The following FBLN2 variants were observed in gnomAD, a reference collection of about 807,000 sequenced individuals.
The protein encoded by FBLN2 is fibulin 2, also known as fibulin-2.
Under a neutral mutation model 123.7 loss-of-function variants are expected in FBLN2, and 81 were observed. The ratio of observed to expected loss-of-function variants is 0.65; its 90% CI spans 0.55 to 0.79. FBLN2 has a LOEUF of 0.79. FBLN2 is among the 30% of genes least tolerant of loss of function. The probability of loss-of-function intolerance (pLI) is 0.00; values close to 1 mark genes in which losing one functional copy is unlikely to be tolerated. For synonymous variants in FBLN2, 699 were observed against 701.4 expected (o/e 1.00, Z 0.05); for missense variants, 1,603 against 1,681.3 (o/e 0.95, Z 0.81).
intron 1 of FBLN2, among the ~76,000 whole-genome samples, chr3:13,559,054 G>T (rs1295733273): frequency 6.6e-6 from 1 of 152,150 alleles, no homozygotes; most frequent in Non-Finnish European, 1.5e-5. Flanking sequence ...GGTGGGGTTA[G>T]TTGGTGAAGG....
intron 1 of FBLN2, among the ~76,000 whole-genome samples, chr3:13,554,993 C>T (rs1703424172): frequency 6.7e-6 from 1 of 148,654 alleles, no homozygotes; most frequent in Non-Finnish European, 1.5e-5. Flanking sequence ...TACTCTGTCA[C>T]CCAGGCTGGA....
intron 16 of FBLN2, among the ~76,000 whole-genome samples, chr3:13,635,392 A>G (rs149919140): frequency 6.6e-6 from 1 of 151,824 alleles, no homozygotes; most frequent in Admixed American, 6.6e-5. Context: ...ACACACACAC[A>G]CACACACCCA....
chr3:13,549,303 G>T, intron 1 of FBLN2, 95 bp downstream of exon 1: 1 of 842,912 alleles, frequency 1.2e-6, no homozygotes, highest in Non-Finnish European at 1.4e-6. Flanking sequence ...CCGACGGCTC[G>T]GCGGACCCTC....
Position 13,636,534 on chromosome 3 carries a change from G to C in FBLN2, c.3304G>C (p.Glu1102Gln), listed in dbSNP as rs562325632. Residue 1102 changes from glutamate (E) to glutamine (Q), a missense_variant, in exon 17 of 18, where the codon GAG becomes CAG. Physicochemically the swap from Glu to Gln is conservative, Grantham distance 29 (BLOSUM62 2). Transcript: ENST00000404922. ...IQGSFRCLRF[E>Q]CPPNYVQVSK... ...GGGTAGCTTCCGCTGCCTGCGCTTC[G>C]AGTGTCCTCCCAACTATGTCCAAGT... The C allele has an allele frequency of 6.2e-7, 1 of 1,613,582 alleles. No homozygotes were observed. Among genetic ancestry groups the C allele is most frequent in the Non-Finnish European group, 8.5e-7 (1 of 1,179,746 alleles).
In FBLN2 at chr3:13,570,736, G is replaced by C. The variant is rs745408801; in HGVS notation, c.381G>C (p.Val127=). The change falls in exon 2 of 18, where the codon GTG becomes GTC. Residue 127 remains valine (V), a synonymous_variant. Transcript: ENST00000404922. The stretch of plus-strand genomic sequence containing the variant: ...CCAACTGCATCGAGGCTGTAGTGGT[G>C]GCTGACAGCTGCCCACAGTGCGGCC... ...LPPNCIEAVV[V]ADSCPQCGQV... The C allele has an allele frequency of 6.9e-6, 11 of 1,601,236 alleles. No individual in the cohort carries two copies. In the East Asian group the frequency reaches 2.3e-4, roughly 33 times the overall value.
chr3:13,560,474 T>C (rs1206276827), intron 1 of FBLN2, among the ~76,000 whole-genome samples: 1 of 152,156 alleles, frequency 6.6e-6, no homozygotes, highest in Non-Finnish European at 1.5e-5. Flanking sequence ...CTCCTCCTCC[T>C]TGGGGTCTCA....
intron 2 of FBLN2, among the ~76,000 whole-genome samples, chr3:13,592,968 A>G (rs1704723687): frequency 6.6e-6 from 1 of 152,118 alleles, no homozygotes; most frequent in South Asian, 2.1e-4. Context: ...ATGGTTGTCT[A>G]TGCTCTCTCA....
intron 3 of FBLN2, 52 bp downstream of exon 3, chr3:13,608,225 A>G: frequency 7.3e-7 from 1 of 1,369,032 alleles, no homozygotes; most frequent in Admixed American, 2.0e-5. Flanking sequence ...CTTCTCCAGA[A>G]CCCTGCTTGC....
rs769023820 is a variant in FBLN2, at chr3:13,571,643, C to T, written c.1288C>T (p.Pro430Ser). 5 of 1,600,714 alleles carry T rather than the reference C, an allele frequency of 3.1e-6. No homozygotes were observed. Among genetic ancestry groups the T allele is most frequent in the South Asian group, 2.3e-5 (2 of 88,144 alleles). The change falls in exon 2 of 18, where the codon CCC becomes TCC. Residue 430 changes from proline to serine, a missense_variant. Coordinates refer to ENST00000404922, the MANE Select transcript of FBLN2 (RefSeq NM_001004019.2). ...AGACCCCAACTCTGTCCATTCTATC[C>T]CCAGAAGTAGCCCTGAAGGTAAGAC... ...DTDPNSVHSI[P>S]RSSPEGSTKD...
chr3:13,559,790 G>A lies in FBLN2; in HGVS notation c.-41-10525G>A, dbSNP rs77447574. On this transcript the variant is annotated intron_variant, in intron 1 of 17. Coordinates refer to ENST00000404922, the MANE Select transcript of FBLN2 (RefSeq NM_001004019.2). The stretch of plus-strand genomic sequence containing the variant: ...CAGAGCTGATGGAGAACCATTCAGG[G>A]TTTGGAGCAGGGATGAGAGGTGATG... 8.6e-3 allele frequency among the ~76,000 whole-genome samples: 1,312 copies of A among 152,364 alleles called. 19 individuals carry two copies. The highest frequency in any genetic ancestry group is 0.03 in the African/African-American group (1,252 of 41,592).
chr3:13,563,650 G>A (rs928973742), intron 1 of FBLN2, among the ~76,000 whole-genome samples: 4 of 152,220 alleles, frequency 2.6e-5, no homozygotes, highest in African/African-American at 7.2e-5. Context: ...AAGACAGTGC[G>A]CAGCTCACAT....
At chr3:13,570,227 C>T (rs1703885243) in intron 1 of FBLN2, 88 bp from the exon 2 acceptor site, 1 of 1,391,094 alleles carries the variant, frequency 7.2e-7, no homozygotes, top group South Asian at 1.5e-5. Flanking sequence ...GTGGCTGAGG[C>T]TGGGCCCCTG....
At chr3:13,609,692 G>GGGGGGGGGGGGGGGGT (rs1705327453) in intron 4 of FBLN2, 50 bp downstream of exon 4, 15 of 508,384 alleles carry the variant, frequency 3.0e-5, no homozygotes, top group East Asian at 6.4e-5. Context: ...GGCGGGGCGG[G>GGGGGGGGGGGGGGGGT]AGGCTGGCCT....
chr3:13,589,601 G>GAC (rs139675011), intron 2 of FBLN2, among the ~76,000 whole-genome samples: 1 of 151,932 alleles, frequency 6.6e-6, no homozygotes, highest in Non-Finnish European at 1.5e-5. Flanking sequence ...TCTCATTTGG[G>GAC]ACACACACAC....
chr3:13,587,667 T>A (rs1407129960), intron 2 of FBLN2, among the ~76,000 whole-genome samples: 1 of 152,242 alleles, frequency 6.6e-6, no homozygotes, highest in African/African-American at 2.4e-5. Flanking sequence ...TCACATTAAC[T>A]TCAGCACAGA....
chr3:13,626,637 G>A (rs1166533855), intron 10 of FBLN2, 58 bp downstream of exon 10: 8 of 1,397,248 alleles, frequency 5.7e-6, no homozygotes, highest in African/African-American at 1.5e-5. Flanking sequence ...GTTTTGCCCC[G>A]CCCCTCCCTG....
At chr3:13,598,901 G>C (rs975445155) in intron 2 of FBLN2, among the ~76,000 whole-genome samples, 8 of 152,204 alleles carry the variant, frequency 5.3e-5, no homozygotes, top group African/African-American at 1.9e-4. Context: ...GACAGGCAGG[G>C]AGTCACATTT....
chr3:13,558,755 G>A (rs1028037815), intron 1 of FBLN2, among the ~76,000 whole-genome samples: 1 of 127,082 alleles, frequency 7.9e-6, no homozygotes, highest in Non-Finnish European at 1.6e-5. Flanking sequence ...CCATTCACTC[G>A]TCCATCCATC....
At chr3:13,569,121 G>C (rs1450262474) in intron 1 of FBLN2, 1 of 935,648 alleles carries the variant, frequency 1.1e-6, no homozygotes, top group Non-Finnish European at 1.3e-6. Context: ...AGGCACTGGG[G>C]ACTTGGGCCA....
Sources: gnomAD v4.1 joint callset for allele counts (sites outside exome capture counted in the v4.1 genomes callset) on GRCh38, gnomAD v4.1.1 for gene constraint, MANE v1.5 for transcripts, NCBI Gene and HGNC (gene_info 2026-07-23, HGNC 2026-07-21) for gene names.